The following SESTD1 variants were observed in gnomAD, a reference collection of about 807,000 sequenced individuals.
The protein encoded by SESTD1 is SEC14 domain and spectrin repeat-containing protein 1.
SESTD1 carries 43 observed loss-of-function variants against 101.7 expected under a neutral mutation model. That is an observed-to-expected ratio of 0.42 (90% CI 0.33 to 0.55). The LOEUF is 0.55. SESTD1 is among the 20% of genes least tolerant of loss of function. The pLI is 0.07. For missense variants in SESTD1, 647 were observed against 815.1 expected (o/e 0.79, Z 2.51); for synonymous variants, 283 against 286.8 (o/e 0.99, Z 0.13).
intron 5 of SESTD1, among the ~76,000 whole-genome samples, chr2:179,160,029 A>AT (rs1228123679): frequency 1.3e-5 from 2 of 151,866 alleles, no homozygotes; most frequent in African/African-American, 4.8e-5. Context: ...TAGTTTTTCT[A>AT]TTTTTTTAGT....
chr2:179,196,446 G>T (rs541328520), intron 1 of SESTD1, among the ~76,000 whole-genome samples: 1 of 152,242 alleles, frequency 6.6e-6, no homozygotes, highest in Admixed American at 6.5e-5. Flanking sequence ...AAACTGGGTG[G>T]AGCCCACCAC....
rs530587886 is a variant in SESTD1, at chr2:179,204,125, C to T, written c.-25-12259G>A. ...TTGAAAAGTTTCATATATATATATA[C>T]ACACACATACACGTGTGTACAGATG... On this transcript the variant is annotated intron_variant, in intron 1 of 17. Transcript: ENST00000428443. Among the ~76,000 whole-genome samples the T allele has an allele frequency of 1.1e-4, 14 of 133,242 alleles. 3 individuals are homozygous for T. Among genetic ancestry groups the T allele is most frequent in the African/African-American group, 3.3e-4 (11 of 33,542 alleles). 87.4% of individuals were successfully genotyped at this position (133,242 alleles called of 152,430 possible).
At chr2:179,153,351 A>G (rs2045565581) in intron 5 of SESTD1, among the ~76,000 whole-genome samples, 1 of 152,194 alleles carries the variant, frequency 6.6e-6, no homozygotes, top group African/African-American at 2.4e-5. Flanking sequence ...TGCCATCCCC[A>G]ACAACCTTAA....
In SESTD1 at chr2:179,103,446, A is replaced by G. The variant is rs1292759182; in HGVS notation, c.*6453T>C. 6.6e-6 allele frequency: 1 copy of G among 152,146 alleles called. No homozygotes were observed. Among genetic ancestry groups the G allele is most frequent in the Non-Finnish European group, 1.5e-5 (1 of 68,010 alleles). 9.4% of individuals were successfully genotyped at this position (152,146 alleles called of 1,614,324 possible). ...AATTCTAATCCAAGGAATTTACTGC[A>G]AAGAAATGAAAACCTATGTTCACAA... On this transcript the variant is annotated 3_prime_UTR_variant, in exon 18 of 18. Coordinates refer to ENST00000428443, the MANE Select transcript of SESTD1 (RefSeq NM_178123.5).
At position 179,101,776 on chromosome 2, in the gene SESTD1, A is replaced by G. The variant is rs1379921689; in HGVS notation, c.*8123T>C. Reference sequence around the variant, plus strand: ...TTGAAACAGGTTTGTGGATACAATGAAGCATCTAATGGAAAACCTAGAGAT... The same window carrying G: ...TTGAAACAGGTTTGTGGATACAATGGAGCATCTAATGGAAAACCTAGAGAT... On this transcript the variant is annotated 3_prime_UTR_variant, in exon 18 of 18. Transcript: ENST00000428443. 6.6e-6 allele frequency: 1 copy of G among 152,212 alleles called. No individual in the cohort carries two copies. 9.4% of individuals were successfully genotyped at this position (152,212 alleles called of 1,614,324 possible). A position where few individuals can be genotyped will look rare whatever the true frequency, so the allele number is the denominator to read the frequency against.
At chr2:179,156,127 T>C (rs868825804) in intron 5 of SESTD1, among the ~76,000 whole-genome samples, 1 of 151,946 alleles carries the variant, frequency 6.6e-6, no homozygotes, top group East Asian at 1.9e-4. Context: ...TATATGTGTG[T>C]ATATACGTAT....
chr2:179,154,617 T>C (rs2045592089), intron 5 of SESTD1, among the ~76,000 whole-genome samples: 1 of 152,072 alleles, frequency 6.6e-6, no homozygotes, highest in Admixed American at 6.6e-5. Context: ...CTAAAACTAA[T>C]CACTGTCTAA....
chr2:179,142,668 A>G (rs1303193427), intron 9 of SESTD1, among the ~76,000 whole-genome samples: 1 of 152,232 alleles, frequency 6.6e-6, no homozygotes, highest in Admixed American at 6.5e-5. Flanking sequence ...AGTTCTTTCA[A>G]AACCTATCAC....
In SESTD1 at chr2:179,177,342, T is replaced by C. The variant is rs1039995822; in HGVS notation, c.165-804A>G. ...TATCAACTTAATGTAAGGATCTCAA[T>C]TGCTCTCCTTCCAATACAGTAAATG... is the stretch of plus-strand genomic sequence containing the variant. On this transcript the variant is annotated intron_variant, in intron 3 of 17. Coordinates refer to ENST00000428443, the MANE Select transcript of SESTD1 (RefSeq NM_178123.5). Among the ~76,000 whole-genome samples, 6 of 152,286 alleles carry C rather than the reference T, an allele frequency of 3.9e-5. No homozygotes were observed. The East Asian group carries it at 5.8e-4, about 15-fold the overall frequency.
chr2:179,134,782 G>C (rs2045100318), intron 9 of SESTD1, among the ~76,000 whole-genome samples: 1 of 152,000 alleles, frequency 6.6e-6, no homozygotes. Flanking sequence ...ATGACAGTTT[G>C]AACTGTAAAT....
chr2:179,110,107 T>A, intron 17 of SESTD1, 79 bp from the exon 18 acceptor site: 1 of 1,444,570 alleles, frequency 6.9e-7, no homozygotes, highest in Non-Finnish European at 9.5e-7. Context: ...GAAGCAAAAA[T>A]TTACCATAAA....
chr2:179,182,840 C>A (rs1003379530), intron 3 of SESTD1, among the ~76,000 whole-genome samples: 2 of 151,982 alleles, frequency 1.3e-5, no homozygotes, highest in Admixed American at 6.6e-5. Flanking sequence ...TTACTGGGTT[C>A]CTTAAAAGTC....
chr2:179,176,172 T>C (rs2046009258), intron 4 of SESTD1, among the ~76,000 whole-genome samples: 1 of 152,204 alleles, frequency 6.6e-6, no homozygotes, highest in Non-Finnish European at 1.5e-5. Flanking sequence ...TGCTCACACA[T>C]TTAAAATCAC....
intron 1 of SESTD1, among the ~76,000 whole-genome samples, chr2:179,245,899 AACTC>A (rs2047222630): frequency 6.6e-6 from 1 of 152,178 alleles, no homozygotes; most frequent in Admixed American, 6.6e-5. Context: ...CCCTACAAGA[AACTC>A]ACTTCAAATA....
chr2:179,167,344 A>G, intron 5 of SESTD1, among the ~76,000 whole-genome samples: 1 of 152,244 alleles, frequency 6.6e-6, no homozygotes, highest in East Asian at 1.9e-4. Context: ...ACAAAGAGAA[A>G]GACACAGGGA....
intron 1 of SESTD1, among the ~76,000 whole-genome samples, chr2:179,199,650 T>C (rs1426536329): frequency 6.6e-6 from 1 of 152,072 alleles, no homozygotes; most frequent in Non-Finnish European, 1.5e-5. Context: ...GCTGGTTCAA[T>C]ATACACAAAT....
At chr2:179,260,654 T>C (rs116348837) in intron 1 of SESTD1, among the ~76,000 whole-genome samples, 6,580 of 152,350 alleles carry the variant, frequency 0.043, 171 homozygotes, top group Middle Eastern at 0.099. Context: ...AGTTTCCTAA[T>C]CATTCTTAAT....
At chr2:179,251,214 C>T (rs1436729991) in intron 1 of SESTD1, among the ~76,000 whole-genome samples, 1 of 151,990 alleles carries the variant, frequency 6.6e-6, no homozygotes, top group Non-Finnish European at 1.5e-5. Flanking sequence ...CTTGAAATGA[C>T]AAAACTATAG....
rs1259581526 is a variant in SESTD1, at chr2:179,204,111, C to G, written c.-25-12245G>C. 2.3e-5 allele frequency among the ~76,000 whole-genome samples: 3 copies of G among 131,664 alleles called. 1 individual carries two copies. Among genetic ancestry groups the G allele is most frequent in the African/African-American group, 9.1e-5 (3 of 33,042 alleles). The allele number at this position is 131,664 out of a possible 152,430, so 86.4% of individuals were successfully genotyped here. ...GAGAAATATTGTCATTGAAAAGTTT[C>G]ATATATATATATACACACACATACA... On this transcript the variant is annotated intron_variant, in intron 1 of 17. Transcript: ENST00000428443.
Sources: allele counts gnomAD v4.1 joint callset (sites outside exome capture counted in the v4.1 genomes callset), GRCh38; gene constraint gnomAD v4.1.1; transcripts MANE v1.5; gene names NCBI Gene and HGNC (gene_info 2026-07-23, HGNC 2026-07-21).